The following AK2 variants were observed in gnomAD, a reference collection of about 807,000 sequenced individuals.
AK2 encodes adenylate kinase 2, mitochondrial.
A neutral mutation model predicts 24.6 loss-of-function variants in AK2; 15 were observed. The observed-to-expected ratio is 0.61, with a 90% confidence interval of 0.41 to 0.94. AK2 has a LOEUF of 0.94. AK2 is among the 40% of genes least tolerant of loss of function. The pLI, the probability that AK2 is intolerant of heterozygous loss-of-function variation, is 0.00. For missense variants in AK2, 257 were observed against 304.1 expected (o/e 0.85, Z 1.15); for synonymous variants, 102 against 114.0 (o/e 0.90, Z 0.67).
chr1:33,030,076 T>C (rs1640143386), intron 1 of AK2, among the ~76,000 whole-genome samples: 1 of 152,186 alleles, frequency 6.6e-6, no homozygotes, highest in African/African-American at 2.4e-5. Flanking sequence ...CCTCCCAACT[T>C]ACTTCCACAA....
chr1:33,030,022 G>GCA (rs1429840537), intron 1 of AK2, among the ~76,000 whole-genome samples: 1 of 152,148 alleles, frequency 6.6e-6, no homozygotes, highest in Non-Finnish European at 1.5e-5. Context: ...TCTTAGCCTG[G>GCA]CACTCAGCTG....
Position 33,036,800 on chromosome 1 carries a change from G to A in AK2, c.29C>T (p.Pro10Leu). The part of the protein sequence containing the change: MAPSVPAAE[P>L]EYPKGIRAVL... ...GGCCCGGATGCCTTTAGGATACTCGGGTTCTGCCGCTGGCACGCTGGGAGC... is the reference window on the plus strand; with the variant it reads ...GGCCCGGATGCCTTTAGGATACTCGAGTTCTGCCGCTGGCACGCTGGGAGC... Residue 10 changes from proline to leucine, a missense_variant, in exon 1 of 6, where the codon CCC (proline) becomes CTC (leucine). Coordinates refer to ENST00000672715, the MANE Select transcript of AK2 (RefSeq NM_001625.4). The A allele has an allele frequency of 3.1e-6, 5 of 1,597,806 alleles. No individual in the cohort carries two copies. Among genetic ancestry groups the A allele is most frequent in the Non-Finnish European group, 4.3e-6 (5 of 1,173,100 alleles).
chr1:33,034,555 GC>G (rs1640461769), intron 1 of AK2, among the ~76,000 whole-genome samples: 1 of 151,710 alleles, frequency 6.6e-6, no homozygotes, highest in Non-Finnish European at 1.5e-5. Context: ...TATCAGTCTT[GC>G]CCAATGCTTT....
At position 33,009,506 on chromosome 1, in the gene AK2, C is replaced by T. The variant is rs1464034614; in HGVS notation, c.*3675G>A. 1 of 454,148 alleles carries T rather than the reference C, an allele frequency of 2.2e-6. No individual in the cohort carries two copies. Among genetic ancestry groups the T allele is most frequent in the South Asian group, 1.6e-5 (1 of 64,484 alleles). 28.1% of individuals were successfully genotyped at this position (454,148 alleles called of 1,614,324 possible). On this transcript the variant is annotated 3_prime_UTR_variant, in exon 6 of 6. Transcript: ENST00000672715. ...TCTTTCTGTGTATATCTGGATCCAACTAACATTTATCCAATGTCTGTTGCA... is the reference window on the plus strand; with the variant it reads ...TCTTTCTGTGTATATCTGGATCCAATTAACATTTATCCAATGTCTGTTGCA...
intron 1 of AK2, among the ~76,000 whole-genome samples, chr1:33,030,078 C>T (rs1213782826): frequency 6.6e-6 from 1 of 152,248 alleles, no homozygotes; most frequent in Non-Finnish European, 1.5e-5. Context: ...TCCCAACTTA[C>T]TTCCACAAGT....
At chr1:33,016,635 G>A (rs1349193969) in intron 4 of AK2, among the ~76,000 whole-genome samples, 2 of 151,808 alleles carry the variant, frequency 1.3e-5, no homozygotes, top group Admixed American at 1.3e-4. Context: ...CTCAGTCTCT[G>A]GAGTAGCTGA....
In AK2 at chr1:33,012,984, G is replaced by GCACACA. The variant is rs368005323; in HGVS notation, c.*191_*196dup. 8.0e-6 allele frequency: 12 copies of GCACACA among 1,500,914 alleles called. No homozygotes were observed. The Admixed American group carries it at 1.3e-4, about 16-fold the overall frequency. The allele number at this position is 1,500,914 out of a possible 1,614,324, so 93.0% of individuals were successfully genotyped here. A position where few individuals can be genotyped will look rare whatever the true frequency, so the allele number is the denominator to read the frequency against. The stretch of plus-strand genomic sequence containing the variant: ...TAGCAGAGTGAACACATATGTGCAT[G>GCACACA]CACACACACACACACACAACACACA... On this transcript the variant is annotated 3_prime_UTR_variant, in exon 6 of 6. Coordinates refer to ENST00000672715, the MANE Select transcript of AK2 (RefSeq NM_001625.4).
At chr1:33,031,997 T>TA in intron 1 of AK2, 1 of 219,502 alleles carries the variant, frequency 4.6e-6, no homozygotes, top group South Asian at 5.7e-5. Context: ...CTACTTTAGT[T>TA]AAAAGTGAGG....
intron 4 of AK2, among the ~76,000 whole-genome samples, chr1:33,019,480 C>G (rs1639397665): frequency 6.6e-6 from 1 of 152,120 alleles, no homozygotes; most frequent in Non-Finnish European, 1.5e-5. Context: ...TACTCTGTGC[C>G]CAGTGGGGAT....
At chr1:33,019,001 C>T (rs1221591212) in intron 4 of AK2, among the ~76,000 whole-genome samples, 1 of 152,188 alleles carries the variant, frequency 6.6e-6, no homozygotes, top group African/African-American at 2.4e-5. Context: ...TTCCTTCTAC[C>T]TTCCTGCCCC....
intron 4 of AK2, chr1:33,019,901 C>A: frequency 2.2e-6 from 3 of 1,384,616 alleles, no homozygotes; most frequent in Non-Finnish European, 2.8e-6. Context: ...AAGTAATGGT[C>A]ATGGATGTCT....
At chr1:33,020,162 CTA>C in intron 4 of AK2, 2 of 1,504,908 alleles carry the variant, frequency 1.3e-6, no homozygotes, top group Non-Finnish European at 1.8e-6. Context: ...GTGTTCAATG[CTA>C]TTACAGAGAA....
rs560546001 is a variant in AK2 at position 33,009,853 on chromosome 1, G to T, written c.*3328C>A. The T allele has an allele frequency of 5.5e-5, 25 of 454,294 alleles. 1 individual carries two copies. Among genetic ancestry groups the T allele is most frequent in the South Asian group, 2.6e-4 (17 of 64,480 alleles). The allele number at this position is 454,294 out of a possible 1,614,324, so 28.1% of individuals were successfully genotyped here. A position where few individuals can be genotyped will look rare whatever the true frequency, so the allele number is the denominator to read the frequency against. On this transcript the variant is annotated 3_prime_UTR_variant, in exon 6 of 6. Transcript: ENST00000672715. ...CAAGAAAGGGCTTCTTTTCCTTCCA[G>T]CCAGGTCCAGAATTCAATGTCATTT...
chr1:33,026,858 G>A (rs1220355868), intron 1 of AK2, among the ~76,000 whole-genome samples: 1 of 151,818 alleles, frequency 6.6e-6, no homozygotes, highest in Non-Finnish European at 1.5e-5. Context: ...GGGCGCAGTG[G>A]CTCACACCTG....
chr1:33,018,847 A>ACAC lies in AK2; in HGVS notation c.425+2517_425+2519dup, dbSNP rs1367999467. Among the ~76,000 whole-genome samples the ACAC allele has an allele frequency of 1.8e-4, 28 of 152,296 alleles. No homozygotes were observed. In the East Asian group the frequency reaches 5.2e-3, roughly 28 times the overall value. On this transcript the variant is annotated intron_variant, in intron 4 of 5. Transcript: ENST00000672715. ...TTCTCCTTGCCGTAATTTACCTTGT[A>ACAC]CACCAGGACCAAGCTAATGTTCTTA... is the stretch of plus-strand genomic sequence containing the variant.
At chr1:33,014,096 T>TACAGCAGCAATTA (rs1420770316) in intron 5 of AK2, among the ~76,000 whole-genome samples, 1 of 152,230 alleles carries the variant, frequency 6.6e-6, no homozygotes, top group East Asian at 1.9e-4. Flanking sequence ...CAGGACACAG[T>TACAGCAGCAATTA]ACAGCAGCAA....
In AK2 at chr1:33,012,468, T is replaced by C; in HGVS notation, c.*713A>G. ...TCAGGAACTGTGACCCTGCCTGACT[T>C]CACATGATCCTGGACTTCTAATCAG... On this transcript the variant is annotated 3_prime_UTR_variant, in exon 6 of 6. Transcript: ENST00000672715. 7.1e-7 allele frequency: 1 copy of C among 1,418,434 alleles called. No individual in the cohort carries two copies. Among genetic ancestry groups the C allele is most frequent in the Non-Finnish European group, 9.3e-7 (1 of 1,074,544 alleles). The allele number at this position is 1,418,434 out of a possible 1,614,324, so 87.9% of individuals were successfully genotyped here.
At chr1:33,036,689 C>A (rs1229654268) in intron 1 of AK2, 47 bp downstream of exon 1, 3 of 1,522,514 alleles carry the variant, frequency 2.0e-6, no homozygotes, top group Non-Finnish European at 2.7e-6. Flanking sequence ...CCGCCTTGAC[C>A]TTGGAGTTCA....
At chr1:33,028,540 G>T (rs1395822747) in intron 1 of AK2, among the ~76,000 whole-genome samples, 1 of 152,000 alleles carries the variant, frequency 6.6e-6, no homozygotes, top group Non-Finnish European at 1.5e-5. Context: ...AGTTCAATAG[G>T]GTAGGGCCTA....
Sources: gnomAD v4.1 joint callset for allele counts (sites outside exome capture counted in the v4.1 genomes callset) on GRCh38, gnomAD v4.1.1 for gene constraint, MANE v1.5 for transcripts, NCBI Gene and HGNC (gene_info 2026-07-23, HGNC 2026-07-21) for gene names.